The following ARHGAP31 variants were observed in gnomAD, a reference collection of about 807,000 sequenced individuals.
ARHGAP31 encodes Rho GTPase activating protein 31.
A neutral mutation model predicts 113.9 loss-of-function variants in ARHGAP31; 34 were observed. The observed-to-expected ratio is 0.30, with a 90% CI of 0.23 to 0.40. ARHGAP31 has a LOEUF of 0.40. ARHGAP31 is among the 10% of genes least tolerant of loss of function. ARHGAP31 has a pLI of 1.00. For missense variants in ARHGAP31, 1,548 were observed against 1,767.1 expected (o/e 0.88, Z 2.22); for synonymous variants, 650 against 684.8 (o/e 0.95, Z 0.79).
chr3:119,410,516 G>T (rs2080706360), intron 11 of ARHGAP31, among the ~76,000 whole-genome samples: 2 of 152,172 alleles, frequency 1.3e-5, no homozygotes, highest in African/African-American at 2.4e-5. Flanking sequence ...GGGCAGAGTG[G>T]AGTGCCATGG....
intron 8 of ARHGAP31, among the ~76,000 whole-genome samples, chr3:119,394,364 G>C (rs1398324171): frequency 6.6e-6 from 1 of 152,048 alleles, no homozygotes; most frequent in Non-Finnish European, 1.5e-5. Flanking sequence ...TCTCCCCCAG[G>C]GTCGTGATTT....
intron 1 of ARHGAP31, among the ~76,000 whole-genome samples, chr3:119,363,842 C>A (rs1387279137): frequency 6.6e-6 from 1 of 152,116 alleles, no homozygotes; most frequent in Middle Eastern, 3.2e-3. Context: ...AGTGTTAATT[C>A]ACGGAGGTCC....
At chr3:119,372,774 T>C (rs989682993) in intron 3 of ARHGAP31, among the ~76,000 whole-genome samples, 1 of 152,222 alleles carries the variant, frequency 6.6e-6, no homozygotes, top group African/African-American at 2.4e-5. Flanking sequence ...AGGTAGGTTT[T>C]ATTGTCTCTG....
chr3:119,412,415 A>G (rs1366322612), intron 11 of ARHGAP31, among the ~76,000 whole-genome samples: 6 of 151,380 alleles, frequency 4.0e-5, no homozygotes, highest in Admixed American at 3.9e-4. Flanking sequence ...GAAAAGAAAG[A>G]AAGAAATTGA....
At chr3:119,302,235 G>A (rs2079590660) in intron 1 of ARHGAP31, among the ~76,000 whole-genome samples, 1 of 152,202 alleles carries the variant, frequency 6.6e-6, no homozygotes, top group Non-Finnish European at 1.5e-5. Flanking sequence ...ACAGCCTGCT[G>A]GAACTTCAGG....
Position 119,414,307 on chromosome 3 carries a change from A to G in ARHGAP31, c.2378A>G (p.Glu793Gly). ...PAPPPPTPLE[E>G]STPVLLSKGG... is the part of the protein sequence containing the mutation. The stretch of plus-strand genomic sequence containing the variant: ...CCTCCCCCTCCAACTCCTCTGGAGG[A>G]GTCAACTCCAGTCCTGCTTTCAAAG... The change falls in exon 12 of 12, where the codon GAG (glutamate) becomes GGG (glycine). Residue 793 changes from glutamate to glycine, a missense_variant. Transcript: ENST00000264245. 2 of 1,614,142 alleles carry G rather than the reference A, an allele frequency of 1.2e-6. No individual in the cohort carries two copies. Among genetic ancestry groups the G allele is most frequent in the Non-Finnish European group, 1.7e-6 (2 of 1,180,024 alleles).
intron 6 of ARHGAP31, among the ~76,000 whole-genome samples, chr3:119,387,056 C>G (rs886826324): frequency 2.6e-5 from 4 of 152,148 alleles, no homozygotes; most frequent in African/African-American, 9.7e-5. Context: ...ATGTCAGGCC[C>G]TCCACAGGAG....
chr3:119,353,316 TA>T (rs1295445060), intron 1 of ARHGAP31, among the ~76,000 whole-genome samples: 1 of 152,230 alleles, frequency 6.6e-6, no homozygotes, highest in Non-Finnish European at 1.5e-5. Context: ...CCACCAGCTG[TA>T]ATCTTTTTAA....
At chr3:119,338,787 A>T (rs80298442) in intron 1 of ARHGAP31, among the ~76,000 whole-genome samples, 2,905 of 152,336 alleles carry the variant, frequency 0.019, 60 homozygotes, top group East Asian at 0.11. Flanking sequence ...CTGAACATAA[A>T]TCCATTCTGT....
chr3:119,323,402 C>A (rs1226194873), intron 1 of ARHGAP31, among the ~76,000 whole-genome samples: 1 of 152,244 alleles, frequency 6.6e-6, no homozygotes, highest in African/African-American at 2.4e-5. Context: ...CCGGCCCAGA[C>A]CCCGCGGGTA....
rs1405736194 is a variant in ARHGAP31 at position 119,416,051 on chromosome 3, C to T, written c.4122C>T (p.Ser1374=). 2 of 1,614,032 alleles carry T rather than the reference C, an allele frequency of 1.2e-6. No homozygotes were observed. The highest frequency in any genetic ancestry group is 1.3e-5 in the African/African-American group (1 of 74,880). The change falls in exon 12 of 12, where the codon TCC becomes TCT. Residue 1374 remains serine, a synonymous_variant. Coordinates refer to ENST00000264245, the MANE Select transcript of ARHGAP31 (RefSeq NM_020754.4). ...TGACAGATTCCAAGGTCCTGCTGTC[C>T]CCTATCAGAAGTCCCACCCAGACAG... The part of the protein sequence containing the change: ...STVTDSKVLL[S]PIRSPTQTVS...
intron 6 of ARHGAP31, among the ~76,000 whole-genome samples, chr3:119,389,552 T>A (rs1446000855): frequency 6.6e-6 from 1 of 152,212 alleles, no homozygotes; most frequent in Non-Finnish European, 1.5e-5. Context: ...ACAGTAGTCC[T>A]ACTGAATTAG....
intron 11 of ARHGAP31, among the ~76,000 whole-genome samples, chr3:119,412,384 T>G (rs2080723902): frequency 6.9e-6 from 1 of 144,122 alleles, no homozygotes; most frequent in African/African-American, 2.5e-5. Context: ...GTGAAACTCT[T>G]TTGTCTCAAA....
At chr3:119,381,409 C>T (rs1240640831) in intron 4 of ARHGAP31, among the ~76,000 whole-genome samples, 3 of 152,156 alleles carry the variant, frequency 2.0e-5, no homozygotes, top group African/African-American at 7.2e-5. Flanking sequence ...CCATCATCCC[C>T]CACCCTTTCA....
At chr3:119,339,899 A>T (rs2079992624) in intron 1 of ARHGAP31, among the ~76,000 whole-genome samples, 1 of 152,202 alleles carries the variant, frequency 6.6e-6, no homozygotes, top group Admixed American at 6.5e-5. Context: ...CAAAAGCATG[A>T]CCCACAAAGG....
chr3:119,309,835 A>G lies in ARHGAP31; in HGVS notation c.100+14831A>G, dbSNP rs192451088. 5.1e-4 allele frequency among the ~76,000 whole-genome samples: 77 copies of G among 152,272 alleles called. 1 individual carries two copies. In the South Asian group the frequency reaches 6.4e-3, roughly 13 times the overall value. On this transcript the variant is annotated intron_variant, in intron 1 of 11. Transcript: ENST00000264245. ...TCTGCGAAACCAGTCCCTGGTGCCA[A>G]AAAAGTTGGGGACCACTGGCTTAGA... is the stretch of plus-strand genomic sequence containing the variant.
At chr3:119,383,985 T>C (rs1362686416) in intron 6 of ARHGAP31, among the ~76,000 whole-genome samples, 1 of 152,204 alleles carries the variant, frequency 6.6e-6, no homozygotes. Context: ...CTTTAATATG[T>C]TTGGAGTGTG....
intron 7 of ARHGAP31, among the ~76,000 whole-genome samples, chr3:119,392,521 G>C (rs1024994030): frequency 3.3e-5 from 5 of 152,226 alleles, no homozygotes; most frequent in African/African-American, 9.6e-5. Context: ...GCGGAGAATA[G>C]GTCCTTTGTG....
At chr3:119,401,293 A>G (rs756637309) in intron 9 of ARHGAP31, among the ~76,000 whole-genome samples, 4 of 152,178 alleles carry the variant, frequency 2.6e-5, no homozygotes, top group Non-Finnish European at 4.4e-5. Flanking sequence ...GGGAAGGTCT[A>G]GTTGTTAATA....
Sources: gnomAD v4.1 joint callset for allele counts (sites outside exome capture counted in the v4.1 genomes callset) on GRCh38, gnomAD v4.1.1 for gene constraint, MANE v1.5 for transcripts, NCBI Gene and HGNC (gene_info 2026-07-23, HGNC 2026-07-21) for gene names.